Variants in ASZ1 observed in about 807,000 individuals in gnomAD.
The protein encoded by ASZ1 is ankyrin repeat, SAM and basic leucine zipper domain containing 1, also known as ankyrin repeat, SAM and basic leucine zipper domain-containing protein 1.
Under a neutral mutation model 61.8 loss-of-function variants are expected in ASZ1, and 67 were observed. That is an observed-to-expected ratio of 1.08 (90% CI 0.89 to 1.33). ASZ1 has a LOEUF of 1.33. Ranked by LOEUF, ASZ1 falls within the 40% of genes most tolerant of loss-of-function variation. The pLI, the probability that ASZ1 is intolerant of heterozygous loss-of-function variation, is 0.00. For missense variants in ASZ1, 577 were observed against 554.5 expected, an observed-to-expected ratio of 1.04 and a Z score of -0.41; for synonymous variants, 193 against 192.7, an observed-to-expected ratio of 1.00 and a Z score of -0.01.
rs1257232616 is a variant in ASZ1 at position 117,412,822 on chromosome 7, GA to G, written c.440+7340del. On this transcript the variant is annotated intron_variant, in intron 4 of 12. Transcript: ENST00000284629. Reference sequence around the variant, plus strand: ...AGAAAGAGTTTCAGCAAACTAGGGGGAAACGCACAATTTCTAAAAACAAAAA... The same window carrying G: ...AGAAAGAGTTTCAGCAAACTAGGGGGAACGCACAATTTCTAAAAACAAAAA... Among the ~76,000 whole-genome samples the G allele has an allele frequency of 2.0e-5, 3 of 151,602 alleles. No individual in the cohort carries two copies. In the East Asian group the frequency reaches 5.8e-4, roughly 29 times the overall value.
rs1429065349 is a variant in ASZ1 at position 117,363,362 on chromosome 7, C to A, written c.*234G>T. ...GAATGTGATTTAGATACGATCAAAC[C>A]AAAAAATTACTTATACTTTACTACC... is the stretch of plus-strand genomic sequence containing the variant. On this transcript the variant is annotated 3_prime_UTR_variant, in exon 13 of 13. Transcript: ENST00000284629. The A allele has an allele frequency of 3.5e-6, 1 of 286,228 alleles. No individual in the cohort carries two copies. The highest frequency in any genetic ancestry group is 6.4e-6 in the Non-Finnish European group (1 of 157,152). 17.7% of individuals were successfully genotyped at this position (286,228 alleles called of 1,614,324 possible).
At chr7:117,411,972 C>T (rs1380534533) in intron 4 of ASZ1, among the ~76,000 whole-genome samples, 3 of 150,420 alleles carry the variant, frequency 2.0e-5, no homozygotes, top group Non-Finnish European at 4.4e-5. Flanking sequence ...GAATATTAAG[C>T]AGCTAAAAAA....
chr7:117,406,228 G>T (rs1796779449), intron 4 of ASZ1, among the ~76,000 whole-genome samples: 1 of 151,988 alleles, frequency 6.6e-6, no homozygotes, highest in Non-Finnish European at 1.5e-5. Context: ...TTTCAAAAAT[G>T]AAAAGCAAAA....
rs202197179 is a variant in ASZ1, at chr7:117,427,434, C to T, written c.27G>A (p.Leu9=). 53 of 1,613,926 alleles carry T rather than the reference C, an allele frequency of 3.3e-5. No homozygotes were observed. The highest frequency in any genetic ancestry group is 6.8e-6 in the Non-Finnish European group (8 of 1,179,988). Residue 9 remains leucine (L), a synonymous_variant, in exon 1 of 13, where the codon CTG becomes CTA. Coordinates refer to ENST00000284629, the MANE Select transcript of ASZ1 (RefSeq NM_130768.3). ...TACTCTCGCCTCCGCCAGCCACTGGCAGGCCTCGCAGCGCGCTCGCCGCCA... is the reference window on the plus strand; with the variant it reads ...TACTCTCGCCTCCGCCAGCCACTGGTAGGCCTCGCAGCGCGCTCGCCGCCA... MAASALRG[L]PVAGGGESSE...
intron 6 of ASZ1, 67 bp from the exon 7 acceptor site, chr7:117,383,177 CTGAACAT>C (rs1554361351): frequency 1.5e-6 from 2 of 1,377,376 alleles, no homozygotes; most frequent in Non-Finnish European, 1.9e-6. Flanking sequence ...TTAAAAGAAA[CTGAACAT>C]ACGATTATCT....
intron 4 of ASZ1, among the ~76,000 whole-genome samples, chr7:117,418,890 G>A (rs1208696376): frequency 1.3e-5 from 2 of 151,918 alleles, no homozygotes; most frequent in Admixed American, 1.3e-4. Context: ...GAGACTGGGA[G>A]GCAGAAGTTA....
At position 117,427,484 on chromosome 7, in the gene ASZ1, G is replaced by C. The variant is rs556936635; in HGVS notation, c.-24C>G. 4 of 1,611,684 alleles carry C rather than the reference G, an allele frequency of 2.5e-6. No homozygotes were observed. Among genetic ancestry groups the C allele is most frequent in the East Asian group, 2.2e-5 (1 of 44,864 alleles). On this transcript the variant is annotated 5_prime_UTR_variant, in exon 1 of 13. Transcript: ENST00000284629. ...ATGCCAGCCAAGGAAGCTCCCTGTC[G>C]GCACCGCGCGCCCTTCAGCTCTCCG...
intron 11 of ASZ1, chr7:117,367,893 T>C: frequency 1.0e-6 from 1 of 983,922 alleles, no homozygotes; most frequent in Non-Finnish European, 1.2e-6. Flanking sequence ...TTTTCTTTCT[T>C]TTTTTTGAGA....
chr7:117,377,556 T>C (rs570973341), intron 10 of ASZ1, among the ~76,000 whole-genome samples: 2 of 152,052 alleles, frequency 1.3e-5, no homozygotes, highest in Non-Finnish European at 2.9e-5. Context: ...AAAGAAAACC[T>C]AAAACTTTTA....
intron 4 of ASZ1, among the ~76,000 whole-genome samples, 196 bp from the exon 5 acceptor site, chr7:117,386,005 T>G (rs987743434): frequency 6.6e-6 from 1 of 152,212 alleles, no homozygotes; most frequent in Non-Finnish European, 1.5e-5. Context: ...ACTTTTAAAG[T>G]GCTGAATGCT....
Position 117,384,824 on chromosome 7 carries a change from T to C in ASZ1, c.589A>G (p.Ile197Val). Residue 197 changes from isoleucine to valine, a missense_variant, in exon 6 of 13, where the codon ATA becomes GTA. Physicochemically the swap from Ile to Val is conservative, Grantham distance 29. Transcript: ENST00000284629. ...CCAAGTTCAAGCAACTTCAAAACTA[T>C]ATTTTTATGACCCTGACGTGCTGCC... ...TWAARQGHKN[I>V]VLKLLELGAN... The C allele has an allele frequency of 4.4e-6, 7 of 1,608,384 alleles. No homozygotes were observed. Among genetic ancestry groups the C allele is most frequent in the Non-Finnish European group, 4.2e-6 (5 of 1,178,128 alleles).
In ASZ1 at chr7:117,426,929, T is replaced by C. The variant is rs1797230394; in HGVS notation, c.112A>G (p.Lys38Glu). ...GYLDRTSQKL[K>E]RLLPIEEKKE... Reference sequence around the variant, plus strand: ...TTTTCTTCAATGGGTAATAGCCTTTTCAATTTCTAGAAAAGTAAACATTTT... The same window carrying C: ...TTTTCTTCAATGGGTAATAGCCTTTCCAATTTCTAGAAAAGTAAACATTTT... Residue 38 changes from lysine to glutamate, a missense_variant, in exon 2 of 13, where the codon AAA becomes GAA. Transcript: ENST00000284629. 1.9e-6 allele frequency: 3 copies of C among 1,591,554 alleles called. No homozygotes were observed. The highest frequency in any genetic ancestry group is 2.6e-6 in the Non-Finnish European group (3 of 1,173,954).
intron 10 of ASZ1, among the ~76,000 whole-genome samples, chr7:117,371,798 T>C (rs1391015540): frequency 6.6e-6 from 1 of 152,186 alleles, no homozygotes; most frequent in Non-Finnish European, 1.5e-5. Context: ...TAAGATCCAT[T>C]GAGAATTATC....
At chr7:117,373,057 G>A (rs1796076746) in intron 10 of ASZ1, among the ~76,000 whole-genome samples, 1 of 151,948 alleles carries the variant, frequency 6.6e-6, no homozygotes, top group African/African-American at 2.4e-5. Flanking sequence ...AGATTTTTTG[G>A]GGTGGAGCTG....
At position 117,363,633 on chromosome 7, in the gene ASZ1, AGAAAACC is replaced by A. The variant is rs1461206942; in HGVS notation, c.1384_1390del (p.Gly462PhefsTer7). ...GAAAGTTAGCTTGCAAATGAAAAGA[AGAAAACC>A]GAATCCGCATATGGTAATAGCTGTC... is the stretch of plus-strand genomic sequence containing the variant. On this transcript the variant is annotated frameshift_variant, in exon 13 of 13. Transcript: ENST00000284629. LOFTEE classifies it high-confidence loss of function. 1.2e-6 allele frequency: 2 copies of A among 1,602,728 alleles called. No homozygotes were observed. Among genetic ancestry groups the A allele is most frequent in the Non-Finnish European group, 1.7e-6 (2 of 1,175,788 alleles).
At chr7:117,406,002 A>G (rs1584736895) in intron 4 of ASZ1, among the ~76,000 whole-genome samples, 2 of 152,342 alleles carry the variant, frequency 1.3e-5, no homozygotes, top group African/African-American at 4.8e-5. Context: ...TTCTTAGATA[A>G]GAAGTGAATC....
chr7:117,368,019 C>G, intron 11 of ASZ1: 1 of 409,412 alleles, frequency 2.4e-6, no homozygotes, highest in Non-Finnish European at 3.3e-6. Flanking sequence ...ATAGCTAGGA[C>G]CACAGGTGCA....
In ASZ1 at chr7:117,363,463, C is replaced by T; in HGVS notation, c.*133G>A. The stretch of plus-strand genomic sequence containing the variant: ...CAAACCACTTTTTAAAAAAAAACTC[C>T]ACATTGTCAAAATTTTTCCTATGGA... On this transcript the variant is annotated 3_prime_UTR_variant, in exon 13 of 13. Coordinates refer to ENST00000284629, the MANE Select transcript of ASZ1 (RefSeq NM_130768.3). 1.4e-6 allele frequency: 1 copy of T among 726,626 alleles called. No individual in the cohort carries two copies. The allele number at this position is 726,626 out of a possible 1,614,324, so 45.0% of individuals were successfully genotyped here.
chr7:117,383,164 C>T, intron 6 of ASZ1, 54 bp from the exon 7 acceptor site: 6 of 1,411,414 alleles, frequency 4.3e-6, no homozygotes, highest in Non-Finnish European at 5.6e-6. Context: ...CTGTAACTTA[C>T]ACTTAAAAGA....
Sources: allele counts gnomAD v4.1 joint callset (sites outside exome capture counted in the v4.1 genomes callset), GRCh38; gene constraint gnomAD v4.1.1; transcripts MANE v1.5; gene names NCBI Gene and HGNC (gene_info 2026-07-23, HGNC 2026-07-21).